The following MUC6 variants were observed in gnomAD, a reference collection of about 807,000 sequenced individuals.
MUC6 encodes mucin 6, oligomeric mucus/gel-forming (gene/pseudogene).
Under a neutral mutation model 201.5 loss-of-function variants are expected in MUC6, and 188 were observed. That is an observed-to-expected ratio of 0.93 (90% confidence interval 0.83 to 1.05). MUC6 has a LOEUF of 1.05. Among genes scored for constraint, MUC6 ranks in the 50% least tolerant of loss-of-function variants. The probability of loss-of-function intolerance (pLI) is 0.00; values close to 1 mark genes in which losing one functional copy is unlikely to be tolerated. For synonymous variants in MUC6, 1,228 were observed against 1,389.4 expected (o/e 0.88, Z 2.58); for missense variants, 2,706 against 3,256.9 (o/e 0.83, Z 4.12).
chr11:1,034,125 C>A (rs531650646), intron 1 of MUC6, among the ~76,000 whole-genome samples: 1 of 152,220 alleles, frequency 6.6e-6, no homozygotes, highest in Non-Finnish European at 1.5e-5. Context: ...GTGTTAACCG[C>A]GGTCCAGGGA....
intron 1 of MUC6, among the ~76,000 whole-genome samples, chr11:1,036,072 GTTCTGAGCCCAGGATGGCCGTACA>G (rs1857209300): frequency 6.6e-6 from 1 of 152,092 alleles, no homozygotes; most frequent in Admixed American, 6.5e-5. Context: ...GCCTGCGGCG[GTTCTGAGCCCAGGATGGCCGTACA>G]CCTTCCCCCC....
rs1195031624 is a variant in MUC6, at chr11:1,030,671, CCTGGCTGGGGGG to C, written c.782_793del (p.Ala261_Pro264del). 3 of 1,550,252 alleles carry C rather than the reference CCTGGCTGGGGGG, an allele frequency of 1.9e-6. No individual in the cohort carries two copies. The African/African-American group carries it at 4.1e-5, about 21-fold the overall frequency. On this transcript the variant is annotated inframe_deletion, in exon 7 of 33. Coordinates refer to ENST00000421673, the MANE Select transcript of MUC6 (RefSeq NM_005961.3). ...GGTGGCACAACTGCTGTTCTGTGGG[CCTGGCTGGGGGG>C]CTGCGGCCACGTCCGCCTGGCAGCT...
chr11:1,035,762 G>C (rs879825214), intron 1 of MUC6, among the ~76,000 whole-genome samples: 1 of 152,168 alleles, frequency 6.6e-6, no homozygotes, highest in African/African-American at 2.4e-5. Flanking sequence ...TGTCACGCCA[G>C]CGTCCACCCC....
chr11:1,026,590 A>G, intron 19 of MUC6, 112 bp from the exon 20 acceptor site: 4 of 1,261,828 alleles, frequency 3.2e-6, no homozygotes, highest in Non-Finnish European at 4.2e-6. Flanking sequence ...CTCCCTGAAT[A>G]CAGCCCTGCT....
chr11:1,034,392 C>T (rs1857172224), intron 1 of MUC6, among the ~76,000 whole-genome samples: 1 of 152,194 alleles, frequency 6.6e-6, no homozygotes, highest in African/African-American at 2.4e-5. Flanking sequence ...GAGCACCTAC[C>T]CCCTCACTCA....
At position 1,021,198 on chromosome 11, in the gene MUC6, C is replaced by A. The variant is rs371099284; in HGVS notation, c.3589+17G>T. ...GCAGGCAGGGGCAGGGTTCTCAGGG[C>A]AGCCGACTGGACTTACTGCAGGGCA... is the stretch of plus-strand genomic sequence containing the variant. On this transcript the variant is annotated intron_variant, in intron 27 of 32. Coordinates refer to ENST00000421673, the MANE Select transcript of MUC6 (RefSeq NM_005961.3). 2.6e-6 allele frequency: 4 copies of A among 1,560,274 alleles called. No homozygotes were observed. Among genetic ancestry groups the A allele is most frequent in the South Asian group, 2.4e-5 (2 of 82,096 alleles).
In MUC6 at chr11:1,033,982, C is replaced by G. The variant is rs897884684; in HGVS notation, c.53-907G>C. Among the ~76,000 whole-genome samples the G allele has an allele frequency of 2.6e-5, 4 of 152,206 alleles. No homozygotes were observed. Among genetic ancestry groups the G allele is most frequent in the Non-Finnish European group, 5.9e-5 (4 of 68,030 alleles). On this transcript the variant is annotated intron_variant, in intron 1 of 32. Transcript: ENST00000421673. The surrounding 1 kb of genome is among the most constrained non-coding windows in gnomAD (Gnocchi z 5.6). ...CCAGATGTAGCTCAGAGATCCCATT[C>G]CTGCCACTCCTCACCTGTGCTCTCA...
Position 1,030,578 on chromosome 11 carries a change from A to T in MUC6, c.887T>A (p.Leu296Gln). ...QPVRRWRSPG[L>Q]CSVGQCPANQ... The stretch of plus-strand genomic sequence containing the variant: ...TCTCCCTTCCCTGGACTCACAGCAC[A>T]GGCCGGGGCTCCGCCAGCGGCGGAC... Residue 296 changes from leucine (L) to glutamine (Q), a missense_variant, in exon 7 of 33, where the codon CTG (leucine) becomes CAG (glutamine). Around this residue, in one of 10 missense-constraint regions of MUC6, gnomAD observed 1,850 missense variants for 1,958.3 expected, o/e 0.94. Coordinates refer to ENST00000421673, the MANE Select transcript of MUC6 (RefSeq NM_005961.3). The T allele has an allele frequency of 6.6e-7, 1 of 1,507,008 alleles. No individual in the cohort carries two copies. The highest frequency in any genetic ancestry group is 2.4e-5 in the East Asian group (1 of 41,242). 93.4% of individuals were successfully genotyped at this position (1,507,008 alleles called of 1,614,324 possible).
intron 26 of MUC6, 91 bp from the exon 27 acceptor site, chr11:1,021,368 CTTTTT>C (rs541461716): frequency 9.5e-4 from 424 of 447,962 alleles, no homozygotes; most frequent in South Asian, 1.8e-3. Context: ...TTCCTCTCTG[CTTTTT>C]TTTTTTTTTT....
At position 1,012,953 on chromosome 11, in the gene MUC6, G is replaced by GCCCTCGCTGCCACCCTC. The variant is rs1856508110; in HGVS notation, c.*486_*502dup. ...GGCTGGGAGCGGGGGCGGCTGCCCT[G>GCCCTCGCTGCCACCCTC]CCCTCGCTGCCACCCTCTGCCCTCC... is the stretch of plus-strand genomic sequence containing the variant. On this transcript the variant is annotated 3_prime_UTR_variant, in exon 33 of 33. Transcript: ENST00000421673. 6.4e-6 allele frequency: 1 copy of GCCCTCGCTGCCACCCTC among 156,056 alleles called. No individual in the cohort carries two copies. The highest frequency in any genetic ancestry group is 2.4e-5 in the African/African-American group (1 of 41,532). 9.7% of individuals were successfully genotyped at this position (156,056 alleles called of 1,614,324 possible).
rs966645395 is a variant in MUC6 at position 1,013,838 on chromosome 11, C to T, written c.7142+61G>A. On this transcript the variant is annotated intron_variant, in intron 32 of 32. Coordinates refer to ENST00000421673, the MANE Select transcript of MUC6 (RefSeq NM_005961.3). ...GCCTGGGTGGGGTGCCCGAACCTCT[C>T]TGGGGTGGGGTTGTGAGCACCTTGG... The T allele has an allele frequency of 2.1e-5, 32 of 1,530,890 alleles. No homozygotes were observed. The Middle Eastern group carries it at 5.0e-4, about 24-fold the overall frequency. The allele number at this position is 1,530,890 out of a possible 1,614,324, so 94.8% of individuals were successfully genotyped here.
chr11:1,023,756 A>AGGTGGTCTGTGGGT, intron 25 of MUC6, 104 bp from the exon 26 acceptor site: 3 of 1,510,488 alleles, frequency 2.0e-6, no homozygotes, highest in Admixed American at 2.0e-5. Flanking sequence ...TGGGCGGGGA[A>AGGTGGTCTGTGGGT]GGTCTGGGCC....
intron 25 of MUC6, 29 bp from the exon 26 acceptor site, chr11:1,023,681 GGGTTCC>G (rs1856879432): frequency 6.2e-7 from 1 of 1,608,748 alleles, no homozygotes; most frequent in Non-Finnish European, 8.5e-7. Context: ...TCAGCTGGTG[GGGTTCC>G]TGGCCCTGGC....
chr11:1,031,687 A>C lies in MUC6; in HGVS notation c.403T>G (p.Phe135Val). 1 of 1,550,940 alleles carries C rather than the reference A, an allele frequency of 6.4e-7. No homozygotes were observed. Among genetic ancestry groups the C allele is most frequent in the Non-Finnish European group, 8.7e-7 (1 of 1,147,018 alleles). Residue 135 changes from phenylalanine to valine, a missense_variant, in exon 4 of 33, where the codon TTC (phenylalanine) becomes GTC (valine). This residue lies in a region of MUC6 where 1,850 missense variants were observed against 1,958.3 expected (regional missense o/e 0.94). Transcript: ENST00000421673. Reference sequence around the variant, plus strand: ...GCCACCAGCCGCACGCTCTGGCCGAAGGGTGTGATCTGGAGTCCATTGCTG... The same window carrying C: ...GCCACCAGCCGCACGCTCTGGCCGACGGGTGTGATCTGGAGTCCATTGCTG... ...YTSNGLQITP[F>V]GQSVRLVAKQ...
intron 1 of MUC6, 52 bp downstream of exon 1, chr11:1,036,552 C>T: frequency 3.2e-6 from 5 of 1,542,944 alleles, no homozygotes; most frequent in Non-Finnish European, 4.4e-6. Context: ...CCCCCGCACA[C>T]AGGGCCCCTC....
chr11:1,026,925 T>A lies in MUC6; in HGVS notation c.2394+16A>T. On this transcript the variant is annotated intron_variant, in intron 19 of 32. Coordinates refer to ENST00000421673, the MANE Select transcript of MUC6 (RefSeq NM_005961.3). ...GGGGCCCGGGCATTGTCCCTGCTCC[T>A]CGCGCGCCCCCTTACGCAGGCAACA... 1 of 1,552,288 alleles carries A rather than the reference T, an allele frequency of 6.4e-7. No homozygotes were observed. Among genetic ancestry groups the A allele is most frequent in the Non-Finnish European group, 8.7e-7 (1 of 1,145,824 alleles).
Position 1,025,988 on chromosome 11 carries a change from C to A in MUC6, c.2688+12G>T. On this transcript the variant is annotated intron_variant, in intron 21 of 32. Coordinates refer to ENST00000421673, the MANE Select transcript of MUC6 (RefSeq NM_005961.3). ...GGTCCCCGGCCCCTGCGGCCTGGCACCCGATGGTTACCGTGGCCAGGATGT... is the reference window on the plus strand; with the variant it reads ...GGTCCCCGGCCCCTGCGGCCTGGCAACCGATGGTTACCGTGGCCAGGATGT... The A allele has an allele frequency of 1.9e-6, 3 of 1,587,246 alleles. No individual in the cohort carries two copies. Among genetic ancestry groups the A allele is most frequent in the Non-Finnish European group, 2.6e-6 (3 of 1,167,198 alleles).
At position 1,021,277 on chromosome 11, in the gene MUC6, C is replaced by A; in HGVS notation, c.3527G>T (p.Gly1176Val). 6.4e-7 allele frequency: 1 copy of A among 1,568,930 alleles called. No homozygotes were observed. ...CTCATCCTGGGAGCAGTTGTAGCAG[C>A]CTAGGGTGGAGAACGGCCAGGGTCT... ...PQSVPGSNIE[G>V]CYNCSQDEYF... Residue 1176 changes from glycine to valine, a missense_variant and splice_region_variant, in exon 27 of 33, where the codon GGC (glycine) becomes GTC (valine). Gly to Val is a moderately radical substitution (Grantham distance 109, BLOSUM62 -3). This residue lies in a region of MUC6 where 1,850 missense variants were observed against 1,958.3 expected (regional missense o/e 0.94). Transcript: ENST00000421673.
chr11:1,034,863 C>T (rs1006651648), intron 1 of MUC6, among the ~76,000 whole-genome samples: 5 of 152,202 alleles, frequency 3.3e-5, no homozygotes, highest in Admixed American at 6.5e-5. Context: ...CCCTGCCCCA[C>T]CCGCAGGAGG....
Sources: gnomAD v4.1 joint callset for allele counts (sites outside exome capture counted in the v4.1 genomes callset) on GRCh38, gnomAD v4.1.1 for gene constraint, gnomAD v4.1.1 regional missense constraint, Gnocchi (gnomAD v3.1) non-coding constraint, MANE v1.5 for transcripts, NCBI Gene and HGNC (gene_info 2026-07-23, HGNC 2026-07-21) for gene names.